DNAJC13: variants seen among roughly 807,000 people sequenced by gnomAD.
DNAJC13 encodes dnaJ homolog subfamily C member 13.
DNAJC13 carries 75 observed loss-of-function variants against 290.5 expected under a neutral mutation model. The observed-to-expected ratio is 0.26, with a 90% CI of 0.21 to 0.31. The LOEUF is 0.31. DNAJC13 is among the 10% of genes least tolerant of loss of function. The probability of loss-of-function intolerance (pLI) is 1.00; values close to 1 mark genes in which losing one functional copy is unlikely to be tolerated. For missense variants in DNAJC13, 2,260 were observed against 2,674.5 expected (o/e 0.85, Z 3.42); for synonymous variants, 862 against 892.0 (o/e 0.97, Z 0.60).
At chr3:132,427,927 G>A (rs906019208) in intron 1 of DNAJC13, among the ~76,000 whole-genome samples, 1 of 152,180 alleles carries the variant, frequency 6.6e-6, no homozygotes, top group Non-Finnish European at 1.5e-5. Context: ...GTAAATGGCA[G>A]TTATAAAAAT....
At chr3:132,428,963 G>T (rs764206380) in intron 1 of DNAJC13, among the ~76,000 whole-genome samples, 1 of 151,700 alleles carries the variant, frequency 6.6e-6, no homozygotes, top group Non-Finnish European at 1.5e-5. Context: ...TCAAACTCCT[G>T]ACTTTGTAAT....
In DNAJC13 at chr3:132,488,353, A is replaced by G. The variant is rs755919947; in HGVS notation, c.3323A>G (p.His1108Arg). 16 of 1,613,540 alleles carry G rather than the reference A, an allele frequency of 9.9e-6. No homozygotes were observed. The South Asian group carries it at 1.2e-4, about 12-fold the overall frequency. ...LVEKVAILLY[H>R]IMQDNPQLPR... ...GAGAAGGTTGCTATTTTGTTATACC[A>G]TATCATGCAAGATAACCCACAGTTA... The change falls in exon 30 of 56, where the codon CAT becomes CGT. Residue 1108 changes from histidine (H) to arginine (R), a missense_variant. Coordinates refer to ENST00000260818, the MANE Select transcript of DNAJC13 (RefSeq NM_015268.4).
At chr3:132,453,934 T>G (rs1245160478) in intron 8 of DNAJC13, 132 bp from the exon 9 acceptor site, 2 of 816,050 alleles carry the variant, frequency 2.5e-6, no homozygotes, top group Non-Finnish European at 3.8e-6. Context: ...TTTAAAGTTT[T>G]AAACTCTTAT....
intron 20 of DNAJC13, among the ~76,000 whole-genome samples, chr3:132,469,384 T>C (rs11721201): frequency 2.2e-4 from 33 of 152,256 alleles, no homozygotes; most frequent in African/African-American, 7.2e-4. Flanking sequence ...TGATGCTCTG[T>C]GCTGGATTAG....
At chr3:132,467,500 C>T (rs866214961) in intron 20 of DNAJC13, among the ~76,000 whole-genome samples, 187 bp downstream of exon 20, 6 of 152,280 alleles carry the variant, frequency 3.9e-5, no homozygotes, top group Middle Eastern at 6.8e-3. Context: ...GAGCCTTGCT[C>T]TGTTGCACAG....
intron 22 of DNAJC13, among the ~76,000 whole-genome samples, chr3:132,476,791 A>G (rs1559887239): frequency 2.0e-5 from 3 of 152,024 alleles, no homozygotes; most frequent in African/African-American, 4.8e-5. Context: ...ATAGCCTCAT[A>G]ACCTGTTTTC....
rs916534701 is a variant in DNAJC13, at chr3:132,482,453, G to A, written c.2979+123G>A. On this transcript the variant is annotated intron_variant, in intron 27 of 55. Coordinates refer to ENST00000260818, the MANE Select transcript of DNAJC13 (RefSeq NM_015268.4). ...TTAAATTCCTGTTATTAGCTCCAAG[G>A]GCCCTGCAACTCAGTTTCCACATGA... is the stretch of plus-strand genomic sequence containing the variant. The A allele has an allele frequency of 5.0e-5, 32 of 642,918 alleles. 1 individual carries two copies. Among genetic ancestry groups the A allele is most frequent in the Non-Finnish European group, 1.0e-5 (4 of 388,948 alleles). 39.8% of individuals were successfully genotyped at this position (642,918 alleles called of 1,614,324 possible).
intron 48 of DNAJC13, among the ~76,000 whole-genome samples, chr3:132,521,409 T>C (rs1052121747): frequency 1.3e-5 from 2 of 152,182 alleles, no homozygotes; most frequent in Non-Finnish European, 2.9e-5. Flanking sequence ...GTGATGTAAT[T>C]GGCCTGATAT....
At chr3:132,443,416 G>T (rs1202714863) in intron 2 of DNAJC13, among the ~76,000 whole-genome samples, 1 of 152,170 alleles carries the variant, frequency 6.6e-6, no homozygotes, top group Non-Finnish European at 1.5e-5. Flanking sequence ...GCCTCCCAAA[G>T]TGCTGGGATT....
At chr3:132,439,023 A>C (rs1241636382) in intron 2 of DNAJC13, among the ~76,000 whole-genome samples, 2 of 152,138 alleles carry the variant, frequency 1.3e-5, no homozygotes. Flanking sequence ...CTGTGGAAAA[A>C]CTTCAGAGTG....
intron 54 of DNAJC13, 82 bp from the exon 55 acceptor site, chr3:132,530,916 G>C (rs1449803690): frequency 2.4e-6 from 3 of 1,234,318 alleles, no homozygotes; most frequent in Non-Finnish European, 3.5e-6. Flanking sequence ...CTTCCTTGTT[G>C]CTTTGGAAGT....
At position 132,447,480 on chromosome 3, in the gene DNAJC13, T is replaced by C; in HGVS notation, c.294+10T>C. The C allele has an allele frequency of 6.4e-7, 1 of 1,552,262 alleles. No individual in the cohort carries two copies. Among genetic ancestry groups the C allele is most frequent in the East Asian group, 2.3e-5 (1 of 42,730 alleles). On this transcript the variant is annotated intron_variant, in intron 4 of 55. Transcript: ENST00000260818. ...TCTTACAGAAGCATTGGTAAGAAGA[T>C]TCCATGTTCATAAATAAAATTTCTT... is the stretch of plus-strand genomic sequence containing the variant.
Position 132,538,176 on chromosome 3 carries a change from G to T in DNAJC13, c.6626G>T (p.Gly2209Val), listed in dbSNP as rs1196948565. ...SESQTAGYLT[G>V]PGVAGYLTAG... ...GTGTGTTTACCTTTCTCTCTTGCAG[G>T]ACCTGGAGTTGCTGGCTACCTTACC... The change falls in exon 56 of 56, where the codon GGA becomes GTA. Residue 2209 changes from glycine to valine, a missense_variant and splice_region_variant. Physicochemically the swap from Gly to Val is moderately radical, Grantham distance 109. Around this residue, in one of 3 missense-constraint regions of DNAJC13, gnomAD observed 1,494 missense variants for 1,693.7 expected, o/e 0.88. Coordinates refer to ENST00000260818, the MANE Select transcript of DNAJC13 (RefSeq NM_015268.4). 1 of 1,613,224 alleles carries T rather than the reference G, an allele frequency of 6.2e-7. No individual in the cohort carries two copies. The highest frequency in any genetic ancestry group is 2.2e-5 in the East Asian group (1 of 44,858).
chr3:132,491,518 T>G (rs1276784290), intron 32 of DNAJC13, among the ~76,000 whole-genome samples: 1 of 152,106 alleles, frequency 6.6e-6, no homozygotes, highest in East Asian at 1.9e-4. Context: ...TACCAACACC[T>G]TTTGTCCTTA....
intron 13 of DNAJC13, among the ~76,000 whole-genome samples, chr3:132,459,967 G>T (rs149616192): frequency 1.3e-5 from 2 of 152,088 alleles, no homozygotes; most frequent in African/African-American, 4.8e-5. Context: ...ATTCTGGGTG[G>T]GCAAATGTTT....
chr3:132,429,571 T>C (rs944078293), intron 1 of DNAJC13, among the ~76,000 whole-genome samples: 1 of 152,250 alleles, frequency 6.6e-6, no homozygotes, highest in Non-Finnish European at 1.5e-5. Flanking sequence ...AGTTGTTTAA[T>C]AATTTCAGGA....
At position 132,453,614 on chromosome 3, in the gene DNAJC13, G is replaced by A. The variant is rs2107666695; in HGVS notation, c.760G>A (p.Val254Ile). 1 of 1,612,936 alleles carries A rather than the reference G, an allele frequency of 6.2e-7. No homozygotes were observed. The highest frequency in any genetic ancestry group is 1.1e-5 in the South Asian group (1 of 90,608). ...TTTTTTGAAGGAGCCTGTTAAAAGA[G>A]TTCTAGCACTTACAGAAACATGTTT... ...SPRHSEPVKR[V>I]LALTETCLVE... Residue 254 changes from valine (V) to isoleucine (I), a missense_variant, in exon 8 of 56, where the codon GTT (valine) becomes ATT (isoleucine). By Grantham distance (29) the Val-to-Ile change is conservative. Around this residue, in one of 3 missense-constraint regions of DNAJC13, gnomAD observed 762 missense variants for 964.1 expected, o/e 0.79. Transcript: ENST00000260818.
intron 1 of DNAJC13, among the ~76,000 whole-genome samples, chr3:132,419,005 A>G (rs1938879016): frequency 6.6e-6 from 1 of 152,228 alleles, no homozygotes; most frequent in Non-Finnish European, 1.5e-5. Flanking sequence ...TGGCTTATCT[A>G]TCATATAACG....
chr3:132,524,866 C>T (rs897221034), intron 51 of DNAJC13, among the ~76,000 whole-genome samples: 7 of 152,098 alleles, frequency 4.6e-5, no homozygotes, highest in Non-Finnish European at 8.8e-5. Flanking sequence ...CTTTCCAATC[C>T]GTTATCCACA....
Sources: allele counts gnomAD v4.1 joint callset (sites outside exome capture counted in the v4.1 genomes callset), GRCh38; gene constraint gnomAD v4.1.1; regional missense constraint gnomAD v4.1.1; transcripts MANE v1.5; gene names NCBI Gene and HGNC (gene_info 2026-07-23, HGNC 2026-07-21).